Variants in TERT observed in about 807,000 individuals in gnomAD.
TERT encodes telomerase reverse transcriptase.
In TERT, 42 loss-of-function variants were observed where a neutral mutation model predicts 104.0. The observed-to-expected ratio is 0.40, with a 90% CI of 0.32 to 0.52. TERT has a LOEUF of 0.52. TERT is among the 20% of genes least tolerant of loss of function. TERT has a pLI of 0.43. For missense variants in TERT, 1,101 were observed against 1,610.3 expected (o/e 0.68, Z 5.41); for synonymous variants, 781 against 725.6 (o/e 1.08, Z -1.23).
rs1284957226 is a variant in TERT at position 1,254,662 on chromosome 5, C to T, written c.3158-157G>A. ...GGAGTCACGACAGAAATGTTTTCTT[C>T]GGCTTCTCCAGGTGAAATTTCCACA... On this transcript the variant is annotated intron_variant, in intron 14 of 15. Transcript: ENST00000310581. Among the ~76,000 whole-genome samples the T allele has an allele frequency of 3.3e-5, 5 of 152,204 alleles. 1 individual carries two copies. Among genetic ancestry groups the T allele is most frequent in the African/African-American group, 9.7e-5 (4 of 41,444 alleles).
intron 6 of TERT, among the ~76,000 whole-genome samples, chr5:1,275,894 C>T (rs1362293812): frequency 1.4e-5 from 2 of 138,516 alleles, no homozygotes; most frequent in Admixed American, 7.2e-5. Flanking sequence ...TCCCCACCTA[C>T]CCCACACATG....
chr5:1,284,026 C>T (rs1274052491), intron 2 of TERT, among the ~76,000 whole-genome samples: 7 of 147,752 alleles, frequency 4.7e-5, no homozygotes. Context: ...CTGGCGACCT[C>T]ACCCCGGACC....
In TERT at chr5:1,293,758, G is replaced by C. The variant is rs1407976533; in HGVS notation, c.1128C>G (p.Pro376=). ...GCTGGGGCAGGCGGGGCAACCTGCG[G>C]GGAGTCCCTGGCATCCAGGGCCTGG... ...LGSRPWMPGT[P]RRLPRLPQRY... is the part of the protein sequence containing the mutation. Residue 376 remains proline, a synonymous_variant, in exon 2 of 16, where the codon CCC becomes CCG. Transcript: ENST00000310581. 6.4e-6 allele frequency: 10 copies of C among 1,557,656 alleles called. No individual in the cohort carries two copies. The highest frequency in any genetic ancestry group is 3.5e-5 in the South Asian group (3 of 84,584).
chr5:1,282,353 G>T, intron 3 of TERT, 76 bp downstream of exon 3: 1 of 1,501,392 alleles, frequency 6.7e-7, no homozygotes, highest in African/African-American at 1.4e-5. Context: ...CAGGCAAGTG[G>T]AGACAGGCGC....
At chr5:1,278,459 C>G (rs1749767769) in intron 6 of TERT, among the ~76,000 whole-genome samples, 182 bp downstream of exon 6, 1 of 151,882 alleles carries the variant, frequency 6.6e-6, no homozygotes, top group Admixed American at 6.6e-5. Flanking sequence ...ACACACACCA[C>G]AAATATGCAC....
intron 2 of TERT, among the ~76,000 whole-genome samples, chr5:1,289,399 G>A (rs538595657): frequency 1.5e-5 from 2 of 135,162 alleles, no homozygotes; most frequent in South Asian, 2.5e-4. Flanking sequence ...CACCCTGCAC[G>A]TGACAGGGAC....
At chr5:1,279,612 C>T (rs1749876279) in intron 4 of TERT, 142 bp from the exon 5 acceptor site, 1 of 827,600 alleles carries the variant, frequency 1.2e-6, no homozygotes, top group Non-Finnish European at 2.0e-6. Context: ...TCCCAGCTTC[C>T]TCAGACCCTG....
Position 1,255,510 on chromosome 5 carries a change from A to AT in TERT, c.3033-100dup, listed in dbSNP as rs1747664057. The AT allele has an allele frequency of 1.4e-6, 2 of 1,469,590 alleles. No homozygotes were observed. Among genetic ancestry groups the AT allele is most frequent in the African/African-American group, 2.8e-5 (2 of 71,974 alleles). The allele number at this position is 1,469,590 out of a possible 1,614,324, so 91.0% of individuals were successfully genotyped here. The stretch of plus-strand genomic sequence containing the variant: ...CACCGGTGCCTGTGTGCGTGCATGA[A>AT]TGCACATGCATGGGTTTCCTCATGG... On this transcript the variant is annotated intron_variant, in intron 13 of 15. Transcript: ENST00000310581. The surrounding 1 kb of genome is among the most constrained non-coding windows in gnomAD (Gnocchi z 6.9).
intron 6 of TERT, among the ~76,000 whole-genome samples, chr5:1,275,524 C>T (rs1409946608): frequency 1.3e-5 from 2 of 152,050 alleles, no homozygotes; most frequent in Admixed American, 6.6e-5. Flanking sequence ...CACACCACAG[C>T]AGGCACCACA....
Position 1,262,633 on chromosome 5 carries a change from A to G in TERT, c.2843+1771T>C, listed in dbSNP as rs1748312378. On this transcript the variant is annotated intron_variant, in intron 11 of 15. Transcript: ENST00000310581. This position sits in a 1 kb window ranked among gnomAD's most constrained non-coding sequence, Gnocchi z 5.6. ...ACCAAGTGGCCTTTGGGAGCACAGA[A>G]TATTCTGGCATTGGACCCACATCTG... Among the ~76,000 whole-genome samples, 2 of 152,186 alleles carry G rather than the reference A, an allele frequency of 1.3e-5. No individual in the cohort carries two copies. The highest frequency in any genetic ancestry group is 4.1e-4 in the South Asian group (2 of 4,836).
rs918992004 is a variant in TERT at position 1,269,351 on chromosome 5, T to G, written c.2469-718A>C. On this transcript the variant is annotated intron_variant, in intron 8 of 15. Coordinates refer to ENST00000310581, the MANE Select transcript of TERT (RefSeq NM_198253.3). The surrounding 1 kb of genome is among the most constrained non-coding windows in gnomAD (Gnocchi z 9.0). Reference sequence around the variant, plus strand: ...CCGGCTGGGCGTGATGGCTCACACCTGTAATCCCAGCACTTTGGGAGGCCG... The same window carrying G: ...CCGGCTGGGCGTGATGGCTCACACCGGTAATCCCAGCACTTTGGGAGGCCG... Among the ~76,000 whole-genome samples the G allele has an allele frequency of 6.6e-6, 1 of 152,138 alleles. No individual in the cohort carries two copies. Among genetic ancestry groups the G allele is most frequent in the Non-Finnish European group, 1.5e-5 (1 of 68,008 alleles).
chr5:1,294,983 G>C lies in TERT; in HGVS notation c.7C>G (p.Arg3Gly). 1 of 1,321,418 alleles carries C rather than the reference G, an allele frequency of 7.6e-7. No homozygotes were observed. The highest frequency in any genetic ancestry group is 9.6e-7 in the Non-Finnish European group (1 of 1,043,518). 81.9% of individuals were successfully genotyped at this position (1,321,418 alleles called of 1,614,324 possible). MP[R>G]APRCRAVRSL... ...CGCACGGCTCGGCAGCGGGGAGCGC[G>C]CGGCATCGCGGGGGTGGCCGGGGCC... Residue 3 changes from arginine to glycine, a missense_variant, in exon 1 of 16, where the codon CGC becomes GGC. By Grantham distance (125) the Arg-to-Gly change is moderately radical. This residue lies in a region of TERT where 87 missense variants were observed against 145.4 expected (regional missense o/e 0.60). Transcript: ENST00000310581.
intron 3 of TERT, among the ~76,000 whole-genome samples, 198 bp from the exon 4 acceptor site, chr5:1,280,536 T>C (rs1301366278): frequency 2.6e-5 from 4 of 152,182 alleles, no homozygotes; most frequent in Non-Finnish European, 4.4e-5. Context: ...GCAGGGCACC[T>C]GGACACCTGG....
rs775613951 is a variant in TERT, at chr5:1,294,110, G to A, written c.776C>T (p.Pro259Leu). Residue 259 changes from proline to leucine, a missense_variant, in exon 2 of 16, where the codon CCG (proline) becomes CTG (leucine). Pro to Leu is a moderately conservative substitution (Grantham distance 98, BLOSUM62 -3). Around this residue, in one of 5 missense-constraint regions of TERT, gnomAD observed 504 missense variants for 544.6 expected, o/e 0.93. Transcript: ENST00000310581. ...TPVGQGSWAHPGRTRGPSDRG... is the reference protein window; with the variant it reads ...TPVGQGSWAHLGRTRGPSDRG... ...GTCACTCGGTCCACGCGTCCTGCCCGGGTGGGCCCAGGACCCCTGCCCAAC... is the reference window on the plus strand; with the variant it reads ...GTCACTCGGTCCACGCGTCCTGCCCAGGTGGGCCCAGGACCCCTGCCCAAC... The A allele has an allele frequency of 9.5e-6, 15 of 1,585,338 alleles. No individual in the cohort carries two copies. In the South Asian group the frequency reaches 1.5e-4, roughly 16 times the overall value.
In TERT at chr5:1,256,505, T is replaced by C. The variant is rs1166028593; in HGVS notation, c.3033-1094A>G. On this transcript the variant is annotated intron_variant, in intron 13 of 15. Transcript: ENST00000310581. The surrounding 1 kb of genome is among the most constrained non-coding windows in gnomAD (Gnocchi z 7.0). ...TCTCACCCAGTGCCTGAGCCCCCCA[T>C]GTACCTGGCCTCACCCACTGCCTGA... 7.0e-6 allele frequency among the ~76,000 whole-genome samples: 1 copy of C among 143,564 alleles called. No individual in the cohort carries two copies. Among genetic ancestry groups the C allele is most frequent in the Non-Finnish European group, 1.5e-5 (1 of 66,048 alleles). The allele number at this position is 143,564 out of a possible 152,430, so 94.2% of individuals were successfully genotyped here.
intron 15 of TERT, 125 bp downstream of exon 15, chr5:1,254,243 G>A (rs1031393306): frequency 2.6e-5 from 34 of 1,327,748 alleles, no homozygotes; most frequent in African/African-American, 4.4e-5. Flanking sequence ...GTGGCTCCAG[G>A]CCCCCAGGGT....
In TERT at chr5:1,278,665, G is replaced by A. The variant is rs778622091; in HGVS notation, c.2262C>T (p.His754=). ...CGTGGCTCTTGAAGGCCTTGCGGAC[G>A]TGCCCATGGGCGGCCTTCTGGACCA... ...YAVVQKAAHG[H]VRKAFKSHVS... is the part of the protein sequence containing the mutation. Residue 754 remains histidine (H), a synonymous_variant, in exon 6 of 16, where the codon CAC becomes CAT. Transcript: ENST00000310581. 1.7e-5 allele frequency: 27 copies of A among 1,614,006 alleles called. No homozygotes were observed. The highest frequency in any genetic ancestry group is 1.3e-4 in the Admixed American group (8 of 60,006).
rs547377569 is a variant in TERT, at chr5:1,264,471, C to T, written c.2776G>A (p.Gly926Ser). The change falls in exon 11 of 16, where the codon GGC becomes AGC. Residue 926 changes from glycine (G) to serine (S), a missense_variant. This residue lies in a region of TERT where 463 missense variants were observed against 797.5 expected (regional missense o/e 0.58). Coordinates refer to ENST00000310581, the MANE Select transcript of TERT (RefSeq NM_198253.3). ...AGCAGGCCGCACCAGGGGAATAGGCCGTGGGCCGGCATCTGAACAAAAGCC... is the reference window on the plus strand; with the variant it reads ...AGCAGGCCGCACCAGGGGAATAGGCTGTGGGCCGGCATCTGAACAAAAGCC... ...GTAFVQMPAH[G>S]LFPWCGLLLD... 9.3e-6 allele frequency: 15 copies of T among 1,613,850 alleles called. No homozygotes were observed. Among genetic ancestry groups the T allele is most frequent in the South Asian group, 6.6e-5 (6 of 91,084 alleles).
rs1751050329 is a variant in TERT at position 1,292,391 on chromosome 5, G to A, written c.1573+922C>T. The stretch of plus-strand genomic sequence containing the variant: ...ACAAACACTGTCCCTTCCTCAGCAG[G>A]TGGAGCCATCTGCTGTCCTCTGCTC... On this transcript the variant is annotated intron_variant, in intron 2 of 15. Transcript: ENST00000310581. This position sits in a 1 kb window ranked among gnomAD's most constrained non-coding sequence, Gnocchi z 5.5. Among the ~76,000 whole-genome samples, 1 of 152,128 alleles carries A rather than the reference G, an allele frequency of 6.6e-6. No individual in the cohort carries two copies. Among genetic ancestry groups the A allele is most frequent in the Non-Finnish European group, 1.5e-5 (1 of 68,022 alleles).
Sources: gnomAD v4.1 joint callset for allele counts (sites outside exome capture counted in the v4.1 genomes callset) on GRCh38, gnomAD v4.1.1 for gene constraint, gnomAD v4.1.1 regional missense constraint, Gnocchi (gnomAD v3.1) non-coding constraint, MANE v1.5 for transcripts, NCBI Gene and HGNC (gene_info 2026-07-23, HGNC 2026-07-21) for gene names.